The following PDE11A variants were observed in gnomAD, a reference collection of about 807,000 sequenced individuals.
PDE11A encodes dual 3',5'-cyclic-AMP and -GMP phosphodiesterase 11A.
A neutral mutation model predicts 100.5 loss-of-function variants in PDE11A; 100 were observed. That is an observed-to-expected ratio of 1.00 (90% confidence interval 0.85 to 1.18). PDE11A has a LOEUF of 1.18. Among genes scored for constraint, PDE11A ranks in the 50% most tolerant of loss-of-function variants. PDE11A has a pLI of 0.00. For missense variants in PDE11A, 1,141 were observed against 1,152.6 expected (o/e 0.99, Z 0.15); for synonymous variants, 381 against 420.8 (o/e 0.91, Z 1.16).
intron 2 of PDE11A, among the ~76,000 whole-genome samples, chr2:178,006,773 A>G (rs1039754971): frequency 6.6e-6 from 1 of 151,304 alleles, no homozygotes; most frequent in Admixed American, 6.6e-5. Flanking sequence ...AAATTTGAAG[A>G]CTACAGAAAA....
At chr2:177,697,015 T>A (rs1046115035) in intron 15 of PDE11A, among the ~76,000 whole-genome samples, 1 of 152,208 alleles carries the variant, frequency 6.6e-6, no homozygotes, top group African/African-American at 2.4e-5. Flanking sequence ...GACCAGAAGT[T>A]AACAGTCTTA....
chr2:178,011,176 A>G (rs2086269837), intron 2 of PDE11A, among the ~76,000 whole-genome samples: 2 of 152,126 alleles, frequency 1.3e-5, no homozygotes, highest in Admixed American at 1.3e-4. Context: ...ACGGCATTTT[A>G]GGTAATGAGT....
At chr2:177,883,841 G>C (rs2084385750) in intron 4 of PDE11A, among the ~76,000 whole-genome samples, 1 of 152,070 alleles carries the variant, frequency 6.6e-6, no homozygotes. Flanking sequence ...AGAAGGGAAG[G>C]GTGATTTTGA....
chr2:177,800,203 G>T (rs566338993), intron 9 of PDE11A, among the ~76,000 whole-genome samples: 2 of 150,282 alleles, frequency 1.3e-5, no homozygotes, highest in African/African-American at 4.9e-5. Flanking sequence ...TTTGAAACAG[G>T]GTCTTGCTTT....
At chr2:178,075,350 G>A (rs2087194300), upstream of PDE11A, among the ~76,000 whole-genome samples, 1 of 151,876 alleles carries the variant, frequency 6.6e-6, no homozygotes, top group Admixed American at 6.6e-5. Context: ...GTCAAGAATC[G>A]AGACCAGCCT....
chr2:177,865,696 T>A (rs1190449713), intron 5 of PDE11A, among the ~76,000 whole-genome samples: 1 of 152,220 alleles, frequency 6.6e-6, no homozygotes, highest in Admixed American at 6.5e-5. Context: ...ATAAAGTGCA[T>A]GTACACATGA....
intron 1 of PDE11A, among the ~76,000 whole-genome samples, chr2:178,032,758 G>A (rs2086565327): frequency 6.6e-6 from 1 of 152,168 alleles, no homozygotes; most frequent in African/African-American, 2.4e-5. Flanking sequence ...CAGGCGAACA[G>A]GGTCTAGAGT....
At chr2:178,014,520 G>C in intron 1 of PDE11A, 60 bp from the exon 2 acceptor site, 4 of 1,388,340 alleles carry the variant, frequency 2.9e-6, no homozygotes, top group Non-Finnish European at 4.1e-6. Flanking sequence ...GAGAAGGAGA[G>C]AGAGGTTTAT....
chr2:177,836,883 G>A (rs1273449275), intron 6 of PDE11A, among the ~76,000 whole-genome samples: 1 of 152,162 alleles, frequency 6.6e-6, no homozygotes, highest in African/African-American at 2.4e-5. Flanking sequence ...CCAGAAGGAA[G>A]AAACTCCAAA....
At chr2:177,857,603 AGT>A (rs945646329) in intron 5 of PDE11A, among the ~76,000 whole-genome samples, 3 of 152,052 alleles carry the variant, frequency 2.0e-5, no homozygotes, top group Admixed American at 6.6e-5. Flanking sequence ...AAAAGAAGGC[AGT>A]AAAGAAGGAA....
chr2:178,028,030 A>G (rs2086498892), intron 1 of PDE11A, among the ~76,000 whole-genome samples: 2 of 152,168 alleles, frequency 1.3e-5, no homozygotes, highest in African/African-American at 4.8e-5. Flanking sequence ...AGCCCAGGTT[A>G]GAAAAAATCA....
At chr2:178,074,262 G>A (rs971675268), upstream of PDE11A, among the ~76,000 whole-genome samples, 1 of 151,978 alleles carries the variant, frequency 6.6e-6, no homozygotes, top group Non-Finnish European at 1.5e-5. Context: ...GGGGGTGTGG[G>A]GGGTAATAAA....
chr2:177,704,170 T>C (rs1359823671), intron 13 of PDE11A, among the ~76,000 whole-genome samples: 4 of 152,096 alleles, frequency 2.6e-5, no homozygotes, highest in African/African-American at 9.7e-5. Context: ...CCCAGGCATG[T>C]GGAATACAAA....
At chr2:177,969,699 T>A (rs2085745522) in intron 2 of PDE11A, among the ~76,000 whole-genome samples, 1 of 152,168 alleles carries the variant, frequency 6.6e-6, no homozygotes, top group African/African-American at 2.4e-5. Flanking sequence ...AAAGTGGGGT[T>A]TGCAACTAAT....
At chr2:177,703,938 T>C (rs1304694607) in intron 13 of PDE11A, among the ~76,000 whole-genome samples, 1 of 152,244 alleles carries the variant, frequency 6.6e-6, no homozygotes, top group African/African-American at 2.4e-5. Context: ...AGCCACTGTC[T>C]ATGGTTTGAC....
intron 19 of PDE11A, among the ~76,000 whole-genome samples, chr2:177,662,157 A>C (rs1380418029): frequency 6.6e-6 from 1 of 152,252 alleles, no homozygotes. Context: ...AGCATTTAAT[A>C]GGAAGCATAA....
At chr2:177,711,361 G>A (rs6760930) in intron 13 of PDE11A, among the ~76,000 whole-genome samples, 115,525 of 152,234 alleles carry the variant, frequency 0.76, 43,980 homozygotes, top group East Asian at 0.84. Context: ...AAGAGACTCT[G>A]TTGGAGAAGG....
chr2:178,010,034 T>C (rs1034236223), intron 2 of PDE11A, among the ~76,000 whole-genome samples: 4 of 152,214 alleles, frequency 2.6e-5, no homozygotes, highest in Admixed American at 1.3e-4. Flanking sequence ...CTTTGAAATA[T>C]ATGGTGAACT....
chr2:178,008,855 T>G (rs1476914364), intron 2 of PDE11A, among the ~76,000 whole-genome samples: 2 of 152,074 alleles, frequency 1.3e-5, no homozygotes, highest in South Asian at 4.1e-4. Flanking sequence ...CATGTCGGCA[T>G]GAAGGAGAGC....
Sources: gnomAD v4.1 joint callset for allele counts (sites outside exome capture counted in the v4.1 genomes callset) on GRCh38, gnomAD v4.1.1 for gene constraint, MANE v1.5 for transcripts, NCBI Gene and HGNC (gene_info 2026-07-23, HGNC 2026-07-21) for gene names.